CDIN1: variants seen among roughly 807,000 people sequenced by gnomAD.
CDIN1 encodes CDAN1 interacting nuclease 1, also known as CDAN1-interacting nuclease 1.
In CDIN1, 33 loss-of-function variants were observed where a neutral mutation model predicts 45.3. The observed-to-expected ratio is 0.73, with a 90% CI of 0.55 to 0.97. The LOEUF (loss-of-function observed/expected upper bound fraction) is 0.97, where lower values mean the gene tolerates loss of function less well. Ranked by LOEUF, CDIN1 falls within the 50% of genes least tolerant of loss-of-function variation. CDIN1 has a pLI of 0.00. For missense variants in CDIN1, 303 were observed against 339.4 expected (o/e 0.89, Z 0.84); for synonymous variants, 118 against 124.4 (o/e 0.95, Z 0.34).
At chr15:36,757,979 C>T (rs1339225242) in intron 10 of CDIN1, among the ~76,000 whole-genome samples, 1 of 151,916 alleles carries the variant, frequency 6.6e-6, no homozygotes, top group African/African-American at 2.4e-5. Context: ...TTTATTGTTA[C>T]TCTCTTATAT....
intron 8 of CDIN1, chr15:36,707,553 A>G (rs79540819): frequency 6.6e-6 from 1 of 151,954 alleles, no homozygotes; most frequent in Admixed American, 6.6e-5. Flanking sequence ...AGGGATTTTT[A>G]TGTGCATTTG....
At chr15:36,651,206 T>A (rs371907111) in intron 3 of CDIN1, among the ~76,000 whole-genome samples, 59 of 152,310 alleles carry the variant, frequency 3.9e-4, no homozygotes, top group African/African-American at 1.3e-3. Context: ...GAATGACATC[T>A]GTATATCCCA....
At chr15:36,775,063 ACTAT>A (rs1428497741) in intron 10 of CDIN1, among the ~76,000 whole-genome samples, 4 of 152,246 alleles carry the variant, frequency 2.6e-5, no homozygotes, top group East Asian at 1.9e-4. Flanking sequence ...GAAAAAGCTA[ACTAT>A]CTAATAGGTG....
At chr15:36,705,491 T>C (rs1350872205) in intron 8 of CDIN1, 1 of 152,210 alleles carries the variant, frequency 6.6e-6, no homozygotes, top group Non-Finnish European at 1.5e-5. Flanking sequence ...GCACATATCC[T>C]GTATCTGCAG....
chr15:36,697,939 A>G (rs1485744956), intron 8 of CDIN1, among the ~76,000 whole-genome samples: 2 of 152,198 alleles, frequency 1.3e-5, no homozygotes, highest in Non-Finnish European at 2.9e-5. Context: ...CTTAAGCATT[A>G]GAAATTAAGC....
chr15:36,617,314 T>C, intron 1 of CDIN1: 6 of 1,357,864 alleles, frequency 4.4e-6, no homozygotes, highest in Non-Finnish European at 6.3e-6. Context: ...TTCTTTGTCT[T>C]GTGAAACCAC....
intron 5 of CDIN1, among the ~76,000 whole-genome samples, chr15:36,677,520 G>A (rs781710317): frequency 2.0e-5 from 3 of 151,970 alleles, no homozygotes; most frequent in Non-Finnish European, 4.4e-5. Flanking sequence ...ACTTCCATGT[G>A]AAAACCCCCA....
At chr15:36,730,948 G>T (rs1228851203) in intron 10 of CDIN1, among the ~76,000 whole-genome samples, 1 of 151,838 alleles carries the variant, frequency 6.6e-6, no homozygotes, top group Non-Finnish European at 1.5e-5. Flanking sequence ...GAAAACAAAC[G>T]CCTGGCAACT....
intron 1 of CDIN1, among the ~76,000 whole-genome samples, chr15:36,597,767 C>T (rs2037906369): frequency 6.6e-6 from 1 of 152,118 alleles, no homozygotes; most frequent in Non-Finnish European, 1.5e-5. Flanking sequence ...GGTTTCTTTG[C>T]TCCACATGAA....
intron 10 of CDIN1, among the ~76,000 whole-genome samples, chr15:36,797,917 T>C (rs536119733): frequency 2.7e-5 from 4 of 148,104 alleles, no homozygotes; most frequent in Non-Finnish European, 3.0e-5. Context: ...GAGGCGGAGG[T>C]TGCAGTGAGC....
intron 8 of CDIN1, 128 bp from the exon 9 acceptor site, chr15:36,709,095 C>A: frequency 1.6e-6 from 1 of 631,066 alleles, no homozygotes; most frequent in Non-Finnish European, 2.5e-6. Context: ...CACAGCACTG[C>A]ATGCATAAGA....
intron 1 of CDIN1, among the ~76,000 whole-genome samples, chr15:36,590,663 A>G (rs552190538): frequency 2.0e-4 from 31 of 152,330 alleles, no homozygotes; most frequent in Non-Finnish European, 4.0e-4. Context: ...ATTTTCAGTC[A>G]CTGTTAGTTA....
At chr15:36,754,897 A>AT in intron 10 of CDIN1, among the ~76,000 whole-genome samples, 2 of 152,076 alleles carry the variant, frequency 1.3e-5, no homozygotes, top group South Asian at 4.2e-4. Context: ...TTTTTCTTTG[A>AT]TTTTTCTACC....
At chr15:36,760,729 C>CTGGTGG (rs1163316870) in intron 10 of CDIN1, among the ~76,000 whole-genome samples, 1 of 152,060 alleles carries the variant, frequency 6.6e-6, no homozygotes, top group African/African-American at 2.4e-5. Context: ...GGTGGTGGTG[C>CTGGTGG]TGGTGGTGGT....
intron 10 of CDIN1, among the ~76,000 whole-genome samples, chr15:36,793,979 T>C (rs2054718021): frequency 6.6e-6 from 1 of 151,768 alleles, no homozygotes. Flanking sequence ...TGCTCTTCTA[T>C]TTTCTGTTGT....
chr15:36,586,540 C>T (rs190744892), intron 1 of CDIN1, among the ~76,000 whole-genome samples: 51 of 152,270 alleles, frequency 3.3e-4, no homozygotes, highest in African/African-American at 1.2e-3. Flanking sequence ...AGTGTGCTCA[C>T]TATGTTTGTG....
chr15:36,680,555 A>C (rs1184096639), intron 5 of CDIN1, among the ~76,000 whole-genome samples: 1 of 152,146 alleles, frequency 6.6e-6, no homozygotes, highest in African/African-American at 2.4e-5. Flanking sequence ...AGAAATGGAG[A>C]AAGAACCTGT....
At chr15:36,593,583 TG>T (rs2037683231) in intron 1 of CDIN1, among the ~76,000 whole-genome samples, 2 of 152,292 alleles carry the variant, frequency 1.3e-5, no homozygotes, top group South Asian at 4.1e-4. Flanking sequence ...TGTTATTTTT[TG>T]AAATGGAGTC....
chr15:36,645,325 C>A (rs1227389997), intron 3 of CDIN1, 38 bp downstream of exon 3: 2 of 1,404,140 alleles, frequency 1.4e-6, no homozygotes, highest in Non-Finnish European at 1.9e-6. Context: ...TATCATAGTA[C>A]CTATTAATTG....
Sources: allele counts gnomAD v4.1 joint callset (sites outside exome capture counted in the v4.1 genomes callset), GRCh38; gene constraint gnomAD v4.1.1; transcripts MANE v1.5; gene names NCBI Gene and HGNC (gene_info 2026-07-23, HGNC 2026-07-21).